LRRC4C: variants seen among roughly 807,000 people sequenced by gnomAD.
LRRC4C encodes the protein leucine-rich repeat-containing protein 4C.
In LRRC4C, 5 loss-of-function variants were observed where a neutral mutation model predicts 33.6. That is an observed-to-expected ratio of 0.15 (90% CI 0.08 to 0.31). The LOEUF (loss-of-function observed/expected upper bound fraction) is 0.31. Among genes scored for constraint, LRRC4C ranks in the 10% least tolerant of loss-of-function variants. The probability of loss-of-function intolerance (pLI) is 1.00; values close to 1 mark genes in which losing one functional copy is unlikely to be tolerated. For missense variants in LRRC4C, 560 were observed against 796.7 expected (o/e 0.70, Z 3.58); for synonymous variants, 329 against 302.0 (o/e 1.09, Z -0.93).
chr11:40,654,004 C>A (rs2101819), intron 2 of LRRC4C, among the ~76,000 whole-genome samples: 57,287 of 152,104 alleles, frequency 0.38, 11,871 homozygotes, highest in East Asian at 0.61. Flanking sequence ...GTCAGCTTTC[C>A]TGTGGTATTG....
At chr11:40,747,670 T>C (rs1948493607) in intron 2 of LRRC4C, among the ~76,000 whole-genome samples, 1 of 151,426 alleles carries the variant, frequency 6.6e-6, no homozygotes, top group African/African-American at 2.4e-5. Flanking sequence ...AATCAGAAAA[T>C]AATTTAGGAT....
intron 1 of LRRC4C, among the ~76,000 whole-genome samples, chr11:41,017,804 A>G (rs1855697997): frequency 6.7e-6 from 1 of 150,284 alleles, no homozygotes; most frequent in African/African-American, 2.4e-5. Flanking sequence ...GGTATATATA[A>G]TATATAAAAC....
intron 2 of LRRC4C, among the ~76,000 whole-genome samples, chr11:40,779,732 C>T (rs1950143037): frequency 6.6e-6 from 1 of 152,118 alleles, no homozygotes; most frequent in African/African-American, 2.4e-5. Context: ...ACAGGTGAGA[C>T]ATGCTGGTCT....
chr11:41,298,581 CCAAAATAAAACAA>C (rs1473318931), intron 1 of LRRC4C, among the ~76,000 whole-genome samples: 1 of 151,954 alleles, frequency 6.6e-6, no homozygotes, highest in Non-Finnish European at 1.5e-5. Flanking sequence ...AGTAATAAGG[CCAAAATAAAACAA>C]CAAAATAAAA....
chr11:40,502,081 A>T (rs898495488), intron 3 of LRRC4C, among the ~76,000 whole-genome samples: 3 of 152,156 alleles, frequency 2.0e-5, no homozygotes, highest in African/African-American at 7.2e-5. Context: ...TCTCCTTGCT[A>T]CAACATAACA....
At chr11:41,086,826 C>T (rs181429582) in intron 1 of LRRC4C, among the ~76,000 whole-genome samples, 15 of 151,104 alleles carry the variant, frequency 9.9e-5, no homozygotes, top group East Asian at 1.9e-4. Flanking sequence ...AGTTTGACTG[C>T]TGTCGATGTA....
intron 2 of LRRC4C, among the ~76,000 whole-genome samples, chr11:40,927,524 C>G (rs1376490791): frequency 6.6e-6 from 1 of 151,988 alleles, no homozygotes; most frequent in Non-Finnish European, 1.5e-5. Flanking sequence ...AGAAAGACAC[C>G]TTGAGTACAT....
intron 3 of LRRC4C, among the ~76,000 whole-genome samples, chr11:40,532,185 C>T (rs1956297481): frequency 6.6e-6 from 1 of 151,254 alleles, no homozygotes; most frequent in Admixed American, 6.6e-5. Context: ...CTCAACCAAG[C>T]TCTGCTGACT....
intron 3 of LRRC4C, among the ~76,000 whole-genome samples, chr11:40,644,468 A>C (rs1942318890): frequency 6.6e-6 from 1 of 152,236 alleles, no homozygotes; most frequent in Admixed American, 6.5e-5. Context: ...ATGTCTGTAC[A>C]TGAATACCTA....
At chr11:41,245,503 G>A (rs1388710123) in intron 1 of LRRC4C, among the ~76,000 whole-genome samples, 1 of 152,200 alleles carries the variant, frequency 6.6e-6, no homozygotes, top group African/African-American at 2.4e-5. Flanking sequence ...CATACCACAA[G>A]CAGCTTCCAC....
At chr11:41,355,298 T>A (rs1952121638) in intron 1 of LRRC4C, among the ~76,000 whole-genome samples, 1 of 152,062 alleles carries the variant, frequency 6.6e-6, no homozygotes, top group Admixed American at 6.6e-5. Context: ...CAACTACATC[T>A]CATCTTTCAC....
rs544347817 is a variant in LRRC4C, at chr11:40,279,787, G to A, written c.-175-38189C>T. On this transcript the variant is annotated intron_variant, in intron 4 of 6. Transcript: ENST00000528697. ...CATTCATCAACCTTGTGGACTCATG[G>A]GGTGTTCTAAATAAGAGACAGGCAC... Among the ~76,000 whole-genome samples the A allele has an allele frequency of 1.8e-4, 28 of 152,234 alleles. No homozygotes were observed. The South Asian group carries it at 5.8e-3, about 32-fold the overall frequency.
At chr11:40,308,048 A>G (rs894663116) in intron 4 of LRRC4C, among the ~76,000 whole-genome samples, 1 of 152,240 alleles carries the variant, frequency 6.6e-6, no homozygotes, top group South Asian at 2.1e-4. Flanking sequence ...TTTATCAAAT[A>G]AAGGAGGTAC....
intron 3 of LRRC4C, among the ~76,000 whole-genome samples, chr11:40,465,517 A>G (rs1048316380): frequency 3.3e-5 from 5 of 152,032 alleles, no homozygotes; most frequent in African/African-American, 9.7e-5. Flanking sequence ...ACAGGAGCCT[A>G]CAGACTGGGA....
At chr11:40,712,671 T>C (rs1946524645) in intron 2 of LRRC4C, among the ~76,000 whole-genome samples, 1 of 152,080 alleles carries the variant, frequency 6.6e-6, no homozygotes, top group Non-Finnish European at 1.5e-5. Flanking sequence ...AGAATAAGCA[T>C]AGCAAGGGTA....
intron 1 of LRRC4C, among the ~76,000 whole-genome samples, chr11:41,082,422 T>C (rs1939644056): frequency 7.4e-6 from 1 of 135,790 alleles, no homozygotes; most frequent in African/African-American, 2.7e-5. Context: ...CACTCAAATC[T>C]CACGCTTTTT....
chr11:41,376,156 T>TA (rs1952929994), intron 1 of LRRC4C, among the ~76,000 whole-genome samples: 1 of 152,080 alleles, frequency 6.6e-6, no homozygotes, highest in Non-Finnish European at 1.5e-5. Context: ...AAATAAACTC[T>TA]AAAAATGAAC....
chr11:40,612,896 T>C (rs897784401), intron 3 of LRRC4C, among the ~76,000 whole-genome samples: 5 of 151,920 alleles, frequency 3.3e-5, no homozygotes, highest in East Asian at 1.9e-4. Context: ...TCTCAGTGCA[T>C]ATAAAAGTTA....
intron 1 of LRRC4C, among the ~76,000 whole-genome samples, chr11:41,341,292 A>G (rs1050461815): frequency 6.6e-6 from 1 of 152,176 alleles, no homozygotes; most frequent in African/African-American, 2.4e-5. Flanking sequence ...GATTAAAAAA[A>G]CTAAAAAATA....
Sources: allele counts gnomAD v4.1 joint callset (sites outside exome capture counted in the v4.1 genomes callset), GRCh38; gene constraint gnomAD v4.1.1; transcripts MANE v1.5; gene names NCBI Gene and HGNC (gene_info 2026-07-23, HGNC 2026-07-21).